Variants in DOCK3 observed in about 807,000 individuals in gnomAD.
DOCK3 encodes dedicator of cytokinesis protein 3.
DOCK3 carries 60 observed loss-of-function variants against 265.6 expected under a neutral mutation model. The observed-to-expected ratio is 0.23, with a 90% CI of 0.18 to 0.28. The LOEUF is 0.28. DOCK3 is among the 10% of genes least tolerant of loss of function. The pLI is 1.00. For missense variants in DOCK3, 1,981 were observed against 2,594.3 expected, an observed-to-expected ratio of 0.76 and a Z score of 5.14; for synonymous variants, 881 against 938.0, an observed-to-expected ratio of 0.94 and a Z score of 1.11.
At position 51,254,985 on chromosome 3, in the gene DOCK3, G is replaced by A. The variant is rs888285968; in HGVS notation, c.2185-5171G>A. Among the ~76,000 whole-genome samples, 10 of 152,344 alleles carry A rather than the reference G, an allele frequency of 6.6e-5. No individual in the cohort carries two copies. In the South Asian group the frequency reaches 1.9e-3, roughly 28 times the overall value. On this transcript the variant is annotated intron_variant, in intron 22 of 52. Transcript: ENST00000266037. Reference sequence around the variant, plus strand: ...CATCTATGGTCTTTACAATTGGCATGTTTTTGTGGTGGCTGGTACCAGTTG... The same window carrying A: ...CATCTATGGTCTTTACAATTGGCATATTTTTGTGGTGGCTGGTACCAGTTG...
At position 51,363,786 on chromosome 3, in the gene DOCK3, T is replaced by C. The variant is rs553820345; in HGVS notation, c.5293+1112T>C. 2.0e-5 allele frequency among the ~76,000 whole-genome samples: 3 copies of C among 152,332 alleles called. No homozygotes were observed. In the East Asian group the frequency reaches 5.8e-4, roughly 29 times the overall value. ...TTTGCTCAGAATGATGGATTCCAGC[T>C]TCATCCATATCCCTACAAAGGACAT... On this transcript the variant is annotated intron_variant, in intron 49 of 52. Transcript: ENST00000266037.
chr3:50,864,033 A>C (rs960952897), intron 3 of DOCK3, among the ~76,000 whole-genome samples: 9 of 152,198 alleles, frequency 5.9e-5, no homozygotes, highest in Admixed American at 5.9e-4. Context: ...AGGAACCCCT[A>C]TATTGTTTTC....
chr3:51,294,941 A>G (rs1226400519), intron 27 of DOCK3, among the ~76,000 whole-genome samples: 3 of 152,218 alleles, frequency 2.0e-5, no homozygotes, highest in African/African-American at 7.2e-5. Flanking sequence ...TGAATATGCT[A>G]ATTAGCCCAA....
chr3:51,305,354 G>A (rs990730968), intron 27 of DOCK3, among the ~76,000 whole-genome samples: 3 of 151,906 alleles, frequency 2.0e-5, no homozygotes, highest in African/African-American at 7.3e-5. Context: ...TGTCTATATT[G>A]TCTGATGTTA....
intron 1 of DOCK3, among the ~76,000 whole-genome samples, chr3:50,728,021 A>G (rs1433617618): frequency 2.0e-5 from 3 of 152,240 alleles, no homozygotes; most frequent in East Asian, 1.9e-4. Context: ...TCAGTTGCTT[A>G]TATACTTACT....
Position 50,688,126 on chromosome 3 carries a change from C to T in DOCK3, c.37+12826C>T, listed in dbSNP as rs2355336. The stretch of plus-strand genomic sequence containing the variant: ...AGTTCATGACAAATGTCCTCAGCAG[C>T]AGGCAGGATCAACTCTTCACCAATA... On this transcript the variant is annotated intron_variant, in intron 1 of 52. Transcript: ENST00000266037. Among the ~76,000 whole-genome samples, 1,176 of 152,332 alleles carry T rather than the reference C, an allele frequency of 7.7e-3. 7 individuals are homozygous for T. Among genetic ancestry groups the T allele is most frequent in the African/African-American group, 0.023 (941 of 41,568 alleles).
intron 5 of DOCK3, among the ~76,000 whole-genome samples, chr3:51,040,798 C>T (rs1252416728): frequency 6.6e-6 from 1 of 152,090 alleles, no homozygotes; most frequent in Non-Finnish European, 1.5e-5. Context: ...TAGATTCTGT[C>T]TCAGGAAACC....
intron 4 of DOCK3, among the ~76,000 whole-genome samples, chr3:50,912,197 T>C (rs1307658678): frequency 9.2e-5 from 14 of 152,120 alleles, no homozygotes; most frequent in Admixed American, 9.2e-4. Flanking sequence ...CACTTGATCA[T>C]GAGGTACCAC....
chr3:51,248,744 TGAG>T (rs2078970652), intron 22 of DOCK3, among the ~76,000 whole-genome samples: 1 of 147,254 alleles, frequency 6.8e-6, no homozygotes, highest in Non-Finnish European at 1.5e-5. Context: ...ATCTAGGAAG[TGAG>T]GAGCGCCTCT....
At chr3:50,875,960 T>C (rs1165586239) in intron 3 of DOCK3, among the ~76,000 whole-genome samples, 2 of 152,170 alleles carry the variant, frequency 1.3e-5, no homozygotes, top group East Asian at 3.9e-4. Context: ...CAGAGCTGAA[T>C]AATCCAGCTC....
At chr3:51,243,881 TATAAG>T (rs1392074125) in intron 21 of DOCK3, among the ~76,000 whole-genome samples, 1 of 152,234 alleles carries the variant, frequency 6.6e-6, no homozygotes, top group South Asian at 2.1e-4. Context: ...TTGTATATTG[TATAAG>T]ATAAGTGTCT....
chr3:50,678,644 A>G (rs929234782), intron 1 of DOCK3, among the ~76,000 whole-genome samples: 3 of 146,732 alleles, frequency 2.0e-5, no homozygotes, highest in African/African-American at 5.0e-5. Context: ...TCATTAGGCA[A>G]TTTTTTTTTT....
intron 9 of DOCK3, among the ~76,000 whole-genome samples, chr3:51,105,577 C>CTTA (rs2083250589): frequency 6.6e-6 from 1 of 152,124 alleles, no homozygotes; most frequent in Non-Finnish European, 1.5e-5. Flanking sequence ...TAATGGAATA[C>CTTA]TACTTAACCA....
chr3:51,071,709 C>T (rs1448678960), intron 6 of DOCK3, among the ~76,000 whole-genome samples: 1 of 152,128 alleles, frequency 6.6e-6, no homozygotes, highest in Admixed American at 6.5e-5. Context: ...AGAACCCATG[C>T]TCCTTAATAC....
rs71084118 is a variant in DOCK3, at chr3:50,854,592, G to GTTTTTTTTTTTTTTTTTTTT, written c.162+12895_162+12896insTTTTTTTTTTTTTTTTTTTT. 4.0e-3 allele frequency among the ~76,000 whole-genome samples: 188 copies of GTTTTTTTTTTTTTTTTTTTT among 47,220 alleles called. 69 individuals are homozygous for GTTTTTTTTTTTTTTTTTTTT. Among genetic ancestry groups the GTTTTTTTTTTTTTTTTTTTT allele is most frequent in the African/African-American group, 5.3e-3 (62 of 11,760 alleles). 31.0% of individuals were successfully genotyped at this position (47,220 alleles called of 152,430 possible). ...GCTACAGATGAGCACCATCACACCA[G>GTTTTTTTTTTTTTTTTTTTT]TTTTTTTTTTTTTTTTTTGGTGGTC... On this transcript the variant is annotated intron_variant, in intron 3 of 52. Coordinates refer to ENST00000266037, the MANE Select transcript of DOCK3 (RefSeq NM_004947.5).
intron 11 of DOCK3, 94 bp downstream of exon 11, chr3:51,159,398 A>T (rs1283172750): frequency 6.8e-6 from 8 of 1,172,328 alleles, no homozygotes; most frequent in Admixed American, 3.5e-5. Flanking sequence ...CCTAGATCTT[A>T]CCTGTAATTT....
intron 5 of DOCK3, among the ~76,000 whole-genome samples, chr3:50,970,979 T>TATTTTTTTATTTTAATTTTTAA (rs56109049): frequency 1.4e-5 from 1 of 70,654 alleles, no homozygotes; most frequent in Non-Finnish European, 2.4e-5. Flanking sequence ...TATATATATA[T>TATTTTTTTATTTTAATTTTTAA]TTTTTTTATT....
intron 5 of DOCK3, among the ~76,000 whole-genome samples, chr3:51,000,655 CTTTTTTCT>C (rs1327192214): frequency 4.6e-5 from 2 of 43,888 alleles, no homozygotes; most frequent in Non-Finnish European, 1.1e-4. Flanking sequence ...TTTTCTTTTT[CTTTTTTCT>C]TTTTTTTTGA....
At chr3:50,917,554 C>A (rs1307858703) in intron 4 of DOCK3, among the ~76,000 whole-genome samples, 1 of 151,930 alleles carries the variant, frequency 6.6e-6, no homozygotes, top group African/African-American at 2.4e-5. Context: ...ATTATGCTCA[C>A]CCCTTTTACT....
Sources: allele counts gnomAD v4.1 joint callset (sites outside exome capture counted in the v4.1 genomes callset), GRCh38; gene constraint gnomAD v4.1.1; transcripts MANE v1.5; gene names NCBI Gene and HGNC (gene_info 2026-07-23, HGNC 2026-07-21).